The following FAM107B variants were observed in gnomAD, a reference collection of about 807,000 sequenced individuals.
The protein encoded by FAM107B is protein FAM107B.
In FAM107B, 21 loss-of-function variants were observed where a neutral mutation model predicts 31.5. The ratio of observed to expected loss-of-function variants is 0.67; its 90% confidence interval spans 0.47 to 0.96. The LOEUF is 0.96. Among genes scored for constraint, FAM107B ranks in the 40% least tolerant of loss-of-function variants. The probability of loss-of-function intolerance (pLI) is 0.00; values close to 1 mark genes in which losing one functional copy is unlikely to be tolerated. For missense variants in FAM107B, 452 were observed against 377.1 expected, an observed-to-expected ratio of 1.20 and a Z score of -1.64; for synonymous variants, 157 against 141.5, an observed-to-expected ratio of 1.11 and a Z score of -0.78.
intron 2 of FAM107B, among the ~76,000 whole-genome samples, chr10:14,592,967 G>A (rs1189092145): frequency 6.6e-6 from 1 of 152,126 alleles, no homozygotes; most frequent in African/African-American, 2.4e-5. Flanking sequence ...TTTCTAACTG[G>A]CCACTGCACT....
At chr10:14,572,696 T>C (rs1851306380) in intron 2 of FAM107B, among the ~76,000 whole-genome samples, 1 of 138,208 alleles carries the variant, frequency 7.2e-6, no homozygotes, top group Non-Finnish European at 1.5e-5. Context: ...CATTTCAACC[T>C]GGGTAACACA....
At chr10:14,660,139 C>T (rs1162258918) in intron 2 of FAM107B, among the ~76,000 whole-genome samples, 2 of 152,158 alleles carry the variant, frequency 1.3e-5, no homozygotes, top group African/African-American at 4.8e-5. Flanking sequence ...CTCCAACTTA[C>T]AGGATTCTCC....
intron 2 of FAM107B, among the ~76,000 whole-genome samples, chr10:14,572,740 TA>T (rs1176663402): frequency 0.011 from 978 of 87,748 alleles, 48 homozygotes; most frequent in African/African-American, 0.036. Flanking sequence ...AAAAAAAATT[TA>T]TATATATATA....
intron 2 of FAM107B, among the ~76,000 whole-genome samples, chr10:14,595,236 A>G (rs1161460351): frequency 1.3e-5 from 2 of 152,184 alleles, no homozygotes; most frequent in Non-Finnish European, 2.9e-5. Flanking sequence ...TTATACCGCA[A>G]TAAAGCTATG....
chr10:14,702,995 T>G (rs1163335271), intron 1 of FAM107B, among the ~76,000 whole-genome samples: 3 of 152,132 alleles, frequency 2.0e-5, no homozygotes, highest in African/African-American at 7.2e-5. Context: ...CTCATTCAGT[T>G]TCCAAAAAGA....
intron 2 of FAM107B, among the ~76,000 whole-genome samples, chr10:14,600,962 T>C (rs1323457277): frequency 1.3e-5 from 2 of 151,864 alleles, no homozygotes; most frequent in Non-Finnish European, 2.9e-5. Context: ...GAGATGAGGG[T>C]CACTATGTTG....
At chr10:14,572,736 A>ATTTTATATGTATATAT (rs1455058375) in intron 2 of FAM107B, among the ~76,000 whole-genome samples, 1 of 86,490 alleles carries the variant, frequency 1.2e-5, no homozygotes, top group Non-Finnish European at 2.4e-5. Context: ...AAAAAAAAAA[A>ATTTTATATGTATATAT]ATTTATATAT....
intron 2 of FAM107B, among the ~76,000 whole-genome samples, chr10:14,569,642 G>T (rs1851021169): frequency 6.6e-6 from 1 of 152,206 alleles, no homozygotes; most frequent in African/African-American, 2.4e-5. Flanking sequence ...CAGGACTGGA[G>T]GGGTGGAGCC....
chr10:14,685,606 TG>T (rs1301945326), intron 1 of FAM107B, among the ~76,000 whole-genome samples: 8 of 152,198 alleles, frequency 5.3e-5, no homozygotes, highest in Non-Finnish European at 5.9e-5. Flanking sequence ...TATTGGCTCC[TG>T]TCACTTACAT....
intron 1 of FAM107B, among the ~76,000 whole-genome samples, chr10:14,740,249 T>C (rs776410619): frequency 6.6e-6 from 1 of 152,096 alleles, no homozygotes; most frequent in African/African-American, 2.4e-5. Flanking sequence ...ATGTGGAACA[T>C]CCAGACAATG....
chr10:14,767,117 G>C (rs1270167461), intron 1 of FAM107B, among the ~76,000 whole-genome samples: 2 of 135,488 alleles, frequency 1.5e-5, no homozygotes, highest in African/African-American at 5.6e-5. Context: ...GAGAGAGAGA[G>C]AGAGTTTCCC....
intron 1 of FAM107B, among the ~76,000 whole-genome samples, chr10:14,693,417 G>T (rs1340905014): frequency 6.6e-6 from 1 of 151,372 alleles, no homozygotes; most frequent in Non-Finnish European, 1.5e-5. Context: ...GACGGAGGTT[G>T]CAGTGAGCTG....
chr10:14,553,725 A>G (rs533132440), intron 2 of FAM107B, among the ~76,000 whole-genome samples: 6 of 152,326 alleles, frequency 3.9e-5, no homozygotes, highest in Non-Finnish European at 7.4e-5. Context: ...GCTCTGCCAC[A>G]TATCAGCTGG....
rs368853061 is a variant in FAM107B at position 14,745,641 on chromosome 10, T to G, written c.411+28612A>C. 2.1e-4 allele frequency among the ~76,000 whole-genome samples: 32 copies of G among 152,340 alleles called. No individual in the cohort carries two copies. In the South Asian group the frequency reaches 6.6e-3, roughly 32 times the overall value. ...TGAGTTTCTTAATCTTGAGTTCTAA[T>G]TTGTCTGCTCTTTGGTCTGAGAGAC... On this transcript the variant is annotated intron_variant, in intron 1 of 4. Coordinates refer to ENST00000181796, the MANE Select transcript of FAM107B (RefSeq NM_031453.4).
At chr10:14,628,112 G>GTTTTTTTTTGTT (rs58879328) in intron 2 of FAM107B, among the ~76,000 whole-genome samples, 2 of 92,688 alleles carry the variant, frequency 2.2e-5, no homozygotes, top group Admixed American at 2.9e-4. Context: ...TGTTTTGCTG[G>GTTTTTTTTTGTT]TTTTTTTTTT....
chr10:14,626,173 C>T (rs902102369), intron 2 of FAM107B, among the ~76,000 whole-genome samples: 1 of 152,216 alleles, frequency 6.6e-6, no homozygotes, highest in Non-Finnish European at 1.5e-5. Context: ...CTGGTCACTG[C>T]TGATCACTGC....
At chr10:14,692,819 A>C (rs760447740) in intron 1 of FAM107B, among the ~76,000 whole-genome samples, 1 of 152,192 alleles carries the variant, frequency 6.6e-6, no homozygotes, top group East Asian at 1.9e-4. Context: ...GGGTTATTCA[A>C]TTATCCTCTC....
intron 2 of FAM107B, among the ~76,000 whole-genome samples, chr10:14,591,453 G>T (rs10752339): frequency 0.96 from 145,975 of 152,310 alleles, 70,277 homozygotes; most frequent in East Asian, 1. Context: ...TTTTTTCTGT[G>T]AATTCTGTAG....
intron 1 of FAM107B, among the ~76,000 whole-genome samples, chr10:14,761,743 GT>G (rs1833051683): frequency 6.6e-6 from 1 of 151,968 alleles, no homozygotes; most frequent in African/African-American, 2.4e-5. Context: ...GAGCACAGAT[GT>G]GCTCCACCAC....
Sources: allele counts gnomAD v4.1 joint callset (sites outside exome capture counted in the v4.1 genomes callset), GRCh38; gene constraint gnomAD v4.1.1; transcripts MANE v1.5; gene names NCBI Gene and HGNC (gene_info 2026-07-23, HGNC 2026-07-21).